Variants in ATF7IP2 observed in about 807,000 individuals in gnomAD.
ATF7IP2 encodes activating transcription factor 7-interacting protein 2.
ATF7IP2 carries 42 observed loss-of-function variants against 64.2 expected under a neutral mutation model. The ratio of observed to expected loss-of-function variants is 0.65; its 90% confidence interval spans 0.51 to 0.85. ATF7IP2 has a LOEUF of 0.85. Ranked by LOEUF, ATF7IP2 falls within the 40% of genes least tolerant of loss-of-function variation. The probability of loss-of-function intolerance (pLI) is 0.00; values close to 1 mark genes in which losing one functional copy is unlikely to be tolerated. For synonymous variants in ATF7IP2, 308 were observed against 272.8 expected (o/e 1.13, Z -1.27); for missense variants, 933 against 784.2 (o/e 1.19, Z -2.27).
At chr16:10,412,010 G>GTTTTTTTT (rs71133351) in intron 1 of ATF7IP2, among the ~76,000 whole-genome samples, 72 of 58,330 alleles carry the variant, frequency 1.2e-3, no homozygotes, top group Middle Eastern at 0.012. Flanking sequence ...ATCTTTTTTT[G>GTTTTTTTT]TTTTTTTTTT....
chr16:10,433,980 G>T (rs1179974157), intron 6 of ATF7IP2, among the ~76,000 whole-genome samples: 1 of 152,104 alleles, frequency 6.6e-6, no homozygotes, highest in African/African-American at 2.4e-5. Context: ...CTTTATTAAA[G>T]AATCCAGTCT....
chr16:10,482,947 C>G lies in ATF7IP2; in HGVS notation c.*698C>G, dbSNP rs1187834556. 2 of 152,238 alleles carry G rather than the reference C, an allele frequency of 1.3e-5. No individual in the cohort carries two copies. The highest frequency in any genetic ancestry group is 2.9e-5 in the Non-Finnish European group (2 of 68,066). 9.4% of individuals were successfully genotyped at this position (152,238 alleles called of 1,614,324 possible). On this transcript the variant is annotated 3_prime_UTR_variant, in exon 14 of 14. Coordinates refer to ENST00000562102, the MANE Select transcript of ATF7IP2 (RefSeq NM_001393719.1). ...CAGGCTGGTCTCAAACTCCTGACCT[C>G]AGGGGATCCACCCGCCTCGGCCTCC... is the stretch of plus-strand genomic sequence containing the variant.
At chr16:10,394,951 C>T (rs1192228417) in intron 1 of ATF7IP2, among the ~76,000 whole-genome samples, 1 of 151,964 alleles carries the variant, frequency 6.6e-6, no homozygotes, top group Non-Finnish European at 1.5e-5. Flanking sequence ...GAAGAACAAA[C>T]TGAGCCTGAA....
intron 1 of ATF7IP2, among the ~76,000 whole-genome samples, chr16:10,402,789 T>A (rs1475992406): frequency 2.6e-5 from 4 of 151,968 alleles, no homozygotes; most frequent in African/African-American, 9.7e-5. Context: ...AAAAATTTGT[T>A]CACAGCCAGG....
At chr16:10,394,404 TGAA>T (rs1477168351) in intron 1 of ATF7IP2, among the ~76,000 whole-genome samples, 2 of 152,196 alleles carry the variant, frequency 1.3e-5, no homozygotes, top group African/African-American at 4.8e-5. Context: ...TTGACAGAAT[TGAA>T]GGAAGAAATG....
At position 10,472,121 on chromosome 16, in the gene ATF7IP2, ATGT is replaced by A. The variant is rs566280429; in HGVS notation, c.1366_1368del (p.Val456del). 13,822 of 1,551,604 alleles carry A rather than the reference ATGT, an allele frequency of 8.9e-3. 119 individuals carry two copies. Among genetic ancestry groups the A allele is most frequent in the Middle Eastern group, 0.025 (149 of 5,924 alleles). ...TTTTATCATTTTAGTAACAATGATG[ATGT>A]TATGTTGATTTCTGTGGAAAGTCCT... On this transcript the variant is annotated inframe_deletion, in exon 10 of 14. Coordinates refer to ENST00000562102, the MANE Select transcript of ATF7IP2 (RefSeq NM_001393719.1).
chr16:10,417,416 G>C (rs969675084), intron 2 of ATF7IP2, among the ~76,000 whole-genome samples: 5 of 152,124 alleles, frequency 3.3e-5, no homozygotes, highest in African/African-American at 1.2e-4. Flanking sequence ...AACCAAAATT[G>C]AGCAGGAGCA....
chr16:10,404,405 C>T (rs2047593820), intron 1 of ATF7IP2, among the ~76,000 whole-genome samples: 1 of 152,052 alleles, frequency 6.6e-6, no homozygotes, highest in South Asian at 2.1e-4. Flanking sequence ...GGTGTGTGCC[C>T]CCAGACTCTG....
rs1555455280 is a variant in ATF7IP2 at position 10,482,287 on chromosome 16, A to C, written c.*38A>C. ...AATGATATACTACTTTTTTTTTCAT[A>C]TTTGTTTGTTTGCAATGTTACTGTA... On this transcript the variant is annotated 3_prime_UTR_variant, in exon 14 of 14. Coordinates refer to ENST00000562102, the MANE Select transcript of ATF7IP2 (RefSeq NM_001393719.1). 1 of 1,445,560 alleles carries C rather than the reference A, an allele frequency of 6.9e-7. No individual in the cohort carries two copies. The highest frequency in any genetic ancestry group is 2.3e-5 in the East Asian group (1 of 43,900). The allele number at this position is 1,445,560 out of a possible 1,614,324, so 89.5% of individuals were successfully genotyped here. A position where few individuals can be genotyped will look rare whatever the true frequency, so the allele number is the denominator to read the frequency against.
At chr16:10,439,653 C>G (rs2048545295) in intron 7 of ATF7IP2, among the ~76,000 whole-genome samples, 1 of 150,308 alleles carries the variant, frequency 6.7e-6, no homozygotes, top group Non-Finnish European at 1.5e-5. Flanking sequence ...CTGCCTCAGC[C>G]TCCCGAGTAG....
At chr16:10,469,266 G>C (rs2049699078) in intron 9 of ATF7IP2, among the ~76,000 whole-genome samples, 1 of 152,040 alleles carries the variant, frequency 6.6e-6, no homozygotes, top group African/African-American at 2.4e-5. Context: ...TCAGTCTAAA[G>C]CATGGAGAGG....
At chr16:10,438,532 C>T (rs1250966306) in intron 7 of ATF7IP2, among the ~76,000 whole-genome samples, 2 of 151,668 alleles carry the variant, frequency 1.3e-5, no homozygotes, top group Non-Finnish European at 2.9e-5. Flanking sequence ...GGACTACAGG[C>T]GTGCGTCACC....
chr16:10,430,618 A>C lies in ATF7IP2; in HGVS notation c.-3A>C. 6.3e-7 allele frequency: 1 copy of C among 1,598,130 alleles called. No homozygotes were observed. The highest frequency in any genetic ancestry group is 2.2e-5 in the East Asian group (1 of 44,596). ...TGATGTCTTAAATTCCAGGATATGAAAGATGGCAAGTCCAGATAGAAGTAA... is the reference window on the plus strand; with the variant it reads ...TGATGTCTTAAATTCCAGGATATGACAGATGGCAAGTCCAGATAGAAGTAA... On this transcript the variant is annotated 5_prime_UTR_variant, in exon 5 of 14. Transcript: ENST00000562102.
chr16:10,473,659 T>C, intron 11 of ATF7IP2, 125 bp downstream of exon 11: 1 of 724,054 alleles, frequency 1.4e-6, no homozygotes, highest in Non-Finnish European at 2.4e-6. Context: ...AGCAGACAGC[T>C]AATGATAAGC....
intron 9 of ATF7IP2, among the ~76,000 whole-genome samples, chr16:10,468,261 T>C (rs1344696197): frequency 2.6e-5 from 4 of 152,184 alleles, no homozygotes; most frequent in African/African-American, 9.7e-5. Context: ...TAGAGTCCCA[T>C]TGAGAAATGT....
intron 1 of ATF7IP2, among the ~76,000 whole-genome samples, chr16:10,397,665 T>C (rs1056799391): frequency 6.6e-6 from 1 of 151,576 alleles, no homozygotes; most frequent in African/African-American, 2.4e-5. Flanking sequence ...TCGTTTGAGC[T>C]TAGGAGTTTG....
At chr16:10,470,976 T>C (rs2142065790) in intron 9 of ATF7IP2, among the ~76,000 whole-genome samples, 1 of 152,074 alleles carries the variant, frequency 6.6e-6, no homozygotes, top group East Asian at 1.9e-4. Context: ...TATAAAGGTG[T>C]AGTATTAAGA....
intron 8 of ATF7IP2, among the ~76,000 whole-genome samples, chr16:10,443,205 A>G (rs2048687583): frequency 6.6e-6 from 1 of 152,214 alleles, no homozygotes; most frequent in Admixed American, 6.5e-5. Context: ...GCTCTTAGAA[A>G]GGCTTAAGCT....
chr16:10,402,182 A>C lies in ATF7IP2; in HGVS notation c.-241-12392A>C, dbSNP rs1234940533. Reference sequence around the variant, plus strand: ...TCTTGAGGTACAATGTAAGATTTTTAATTTTTGAACTGTTTTTTTGATGGA... The same window carrying C: ...TCTTGAGGTACAATGTAAGATTTTTCATTTTTGAACTGTTTTTTTGATGGA... On this transcript the variant is annotated intron_variant, in intron 1 of 13. Transcript: ENST00000562102. Among the ~76,000 whole-genome samples, 6 of 152,128 alleles carry C rather than the reference A, an allele frequency of 3.9e-5. No homozygotes were observed. The East Asian group carries it at 1.2e-3, about 29-fold the overall frequency.
Sources: gnomAD v4.1 joint callset for allele counts (sites outside exome capture counted in the v4.1 genomes callset) on GRCh38, gnomAD v4.1.1 for gene constraint, MANE v1.5 for transcripts, NCBI Gene and HGNC (gene_info 2026-07-23, HGNC 2026-07-21) for gene names.